The following RYR3 variants were observed in gnomAD, a reference collection of about 807,000 sequenced individuals.
RYR3 encodes ryanodine receptor 3.
Under a neutral mutation model 584.3 loss-of-function variants are expected in RYR3, and 207 were observed. The ratio of observed to expected loss-of-function variants is 0.35; its 90% CI spans 0.32 to 0.40. The LOEUF is 0.40. RYR3 is among the 10% of genes least tolerant of loss of function. The pLI is 1.00. For synonymous variants in RYR3, 2,416 were observed against 2,248.5 expected, an observed-to-expected ratio of 1.07 and a Z score of -2.11; for missense variants, 5,616 against 6,089.2, an observed-to-expected ratio of 0.92 and a Z score of 2.59.
intron 1 of RYR3, among the ~76,000 whole-genome samples, chr15:33,420,668 G>A (rs574261047): frequency 1.2e-4 from 17 of 143,246 alleles, no homozygotes; most frequent in Non-Finnish European, 2.3e-4. Flanking sequence ...CTTTTCCTTC[G>A]ATTTTTTTTT....
intron 16 of RYR3, among the ~76,000 whole-genome samples, chr15:33,599,869 T>C (rs2059575435): frequency 6.6e-6 from 1 of 152,232 alleles, no homozygotes; most frequent in Non-Finnish European, 1.5e-5. Flanking sequence ...ACTGCTCTGT[T>C]AGGCTGTGTG....
intron 1 of RYR3, among the ~76,000 whole-genome samples, chr15:33,471,682 T>C (rs896937049): frequency 6.6e-6 from 1 of 151,326 alleles, no homozygotes; most frequent in African/African-American, 2.4e-5. Flanking sequence ...TTTTGGGGGG[T>C]TTTAAGTTTT....
chr15:33,374,102 GC>G (rs2141120811), intron 1 of RYR3, among the ~76,000 whole-genome samples: 1 of 152,180 alleles, frequency 6.6e-6, no homozygotes, highest in South Asian at 2.1e-4. Context: ...TAACAAAGCA[GC>G]TAAAAAGCAG....
chr15:33,699,089 C>G (rs2066072050), intron 40 of RYR3, among the ~76,000 whole-genome samples: 1 of 152,248 alleles, frequency 6.6e-6, no homozygotes, highest in African/African-American at 2.4e-5. Flanking sequence ...TTATCAATGA[C>G]AAAAGTAGTC....
At chr15:33,374,922 G>A (rs1001225326) in intron 1 of RYR3, among the ~76,000 whole-genome samples, 5 of 152,124 alleles carry the variant, frequency 3.3e-5, no homozygotes, top group Admixed American at 2.6e-4. Flanking sequence ...ATTTAAAAGT[G>A]CTGCTATTTA....
intron 1 of RYR3, among the ~76,000 whole-genome samples, chr15:33,379,687 C>CTCTATATATATATATATATATA: frequency 1.6e-5 from 2 of 125,502 alleles, no homozygotes; most frequent in African/African-American, 3.6e-5. Context: ...CTCTCTCTCT[C>CTCTATATATATATATATATATA]TATATATATA....
At chr15:33,752,567 T>C (rs893001982) in intron 57 of RYR3, among the ~76,000 whole-genome samples, 1 of 152,212 alleles carries the variant, frequency 6.6e-6, no homozygotes, top group South Asian at 2.1e-4. Flanking sequence ...TTGTGATTTT[T>C]GCACATTGAT....
At chr15:33,678,489 T>C (rs1566936778) in intron 38 of RYR3, among the ~76,000 whole-genome samples, 1 of 152,216 alleles carries the variant, frequency 6.6e-6, no homozygotes, top group South Asian at 2.1e-4. Context: ...GCCTGCAGAA[T>C]TGTGAGTCAA....
intron 18 of RYR3, among the ~76,000 whole-genome samples, chr15:33,609,161 C>A (rs893846548): frequency 6.6e-6 from 1 of 152,192 alleles, no homozygotes; most frequent in Non-Finnish European, 1.5e-5. Flanking sequence ...CATTAAAGAA[C>A]CTTGGAATTT....
At chr15:33,515,013 A>T (rs755418922) in intron 3 of RYR3, among the ~76,000 whole-genome samples, 27 of 152,162 alleles carry the variant, frequency 1.8e-4, no homozygotes, top group Admixed American at 3.3e-4. Flanking sequence ...CAAAAAAAAA[A>T]ATCTCCAGTT....
intron 38 of RYR3, among the ~76,000 whole-genome samples, chr15:33,686,777 C>A (rs2065040410): frequency 6.6e-6 from 1 of 152,200 alleles, no homozygotes. Context: ...ATACAGAAAT[C>A]AATAAATGTA....
chr15:33,311,075 C>T lies in RYR3; in HGVS notation c.30C>T (p.Asp10=), dbSNP rs761390620. ...CCGAAGGGGGAGAAGGAGGCGAGGA[C>T]GAGATCCAGTTTCTGAGGACTGTGA... is the stretch of plus-strand genomic sequence containing the variant. MAEGGEGGE[D]EIQFLRTEDE... is the part of the protein sequence containing the mutation. Residue 10 remains aspartate (D), a synonymous_variant, in exon 1 of 104, where the codon GAC becomes GAT. Coordinates refer to ENST00000634891, the MANE Select transcript of RYR3 (RefSeq NM_001036.6). The surrounding 1 kb of genome is among the most constrained non-coding windows in gnomAD (Gnocchi z 4.4). 3 of 1,582,196 alleles carry T rather than the reference C, an allele frequency of 1.9e-6. No individual in the cohort carries two copies. The highest frequency in any genetic ancestry group is 2.3e-5 in the South Asian group (2 of 87,380).
intron 1 of RYR3, among the ~76,000 whole-genome samples, chr15:33,403,753 A>G (rs1201225867): frequency 1.3e-5 from 2 of 152,224 alleles, no homozygotes; most frequent in Non-Finnish European, 2.9e-5. Flanking sequence ...AGTATTTCTA[A>G]AAACACTGAT....
intron 67 of RYR3, among the ~76,000 whole-genome samples, chr15:33,792,229 C>T (rs2075202680): frequency 2.0e-5 from 3 of 152,108 alleles, no homozygotes; most frequent in Non-Finnish European, 1.5e-5. Flanking sequence ...TGGAGACTTT[C>T]GGAGACACTT....
At chr15:33,348,452 C>G (rs935485389) in intron 1 of RYR3, among the ~76,000 whole-genome samples, 1 of 152,096 alleles carries the variant, frequency 6.6e-6, no homozygotes, top group Non-Finnish European at 1.5e-5. Context: ...CCTGAGGTCT[C>G]CTGACCTAAG....
intron 38 of RYR3, among the ~76,000 whole-genome samples, chr15:33,676,794 A>C (rs1379048879): frequency 6.6e-6 from 1 of 152,188 alleles, no homozygotes; most frequent in Non-Finnish European, 1.5e-5. Context: ...CAGGCATAAA[A>C]ACTCATTGTA....
At chr15:33,790,374 G>A (rs182414816) in intron 67 of RYR3, among the ~76,000 whole-genome samples, 108 of 152,248 alleles carry the variant, frequency 7.1e-4, no homozygotes, top group African/African-American at 2.5e-3. Flanking sequence ...AGTGAAGGTT[G>A]CCAGAAGTTA....
intron 43 of RYR3, among the ~76,000 whole-genome samples, chr15:33,712,621 A>G (rs1445652618): frequency 6.6e-6 from 1 of 152,228 alleles, no homozygotes; most frequent in Admixed American, 6.5e-5. Flanking sequence ...AATGCTTCAC[A>G]GTAGGTTGCC....
At chr15:33,848,503 A>C in intron 94 of RYR3, 82 bp downstream of exon 94, 3 of 1,463,114 alleles carry the variant, frequency 2.1e-6, no homozygotes, top group Non-Finnish European at 2.8e-6. Flanking sequence ...TGGCCTTAAA[A>C]CTGGTTAATA....
Sources: allele counts gnomAD v4.1 joint callset (sites outside exome capture counted in the v4.1 genomes callset), GRCh38; gene constraint gnomAD v4.1.1; non-coding constraint Gnocchi (gnomAD v3.1); transcripts MANE v1.5; gene names NCBI Gene and HGNC (gene_info 2026-07-23, HGNC 2026-07-21).